HPSE2: variants seen among roughly 807,000 people sequenced by gnomAD.
The protein encoded by HPSE2 is heparanase 2 (inactive).
A neutral mutation model predicts 60.5 loss-of-function variants in HPSE2; 38 were observed. The observed-to-expected ratio is 0.63, with a 90% CI of 0.48 to 0.82. The LOEUF (loss-of-function observed/expected upper bound fraction) is 0.82, where lower values mean the gene tolerates loss of function less well. HPSE2 is among the 40% of genes least tolerant of loss of function. The pLI, the probability that HPSE2 is intolerant of heterozygous loss-of-function variation, is 0.00. For synonymous variants in HPSE2, 295 were observed against 293.2 expected (o/e 1.01, Z -0.06); for missense variants, 713 against 740.4 (o/e 0.96, Z 0.43).
chr10:98,535,915 C>A (rs1198136616), intron 9 of HPSE2, among the ~76,000 whole-genome samples: 1 of 152,112 alleles, frequency 6.6e-6, no homozygotes, highest in Admixed American at 6.5e-5. Context: ...GCCAAGGAAC[C>A]CTATCACTGG....
intron 3 of HPSE2, among the ~76,000 whole-genome samples, chr10:99,055,014 C>A (rs756742030): frequency 3.3e-5 from 5 of 152,034 alleles, no homozygotes; most frequent in Admixed American, 6.6e-5. Flanking sequence ...GCCCGGCCTA[C>A]TCTACAATAT....
chr10:98,649,080 T>C (rs914141967), intron 6 of HPSE2, among the ~76,000 whole-genome samples: 1 of 152,154 alleles, frequency 6.6e-6, no homozygotes, highest in East Asian at 1.9e-4. Flanking sequence ...ATAGGGTCTA[T>C]CTAAGTTGCC....
At position 98,938,180 on chromosome 10, in the gene HPSE2, A is replaced by G. The variant is rs1235509479; in HGVS notation, c.611-194124T>C. Among the ~76,000 whole-genome samples, 89 of 144,586 alleles carry G rather than the reference A, an allele frequency of 6.2e-4. 12 individuals are homozygous for G. The highest frequency in any genetic ancestry group is 9.0e-4 in the African/African-American group (32 of 35,664). The allele number at this position is 144,586 out of a possible 152,430, so 94.9% of individuals were successfully genotyped here. A position where few individuals can be genotyped will look rare whatever the true frequency, so the allele number is the denominator to read the frequency against. ...AACTGGAAATTCTAAAAAGCAGAGC[A>G]CCTCTCCTCCTCCAAAGGAACGCAG... On this transcript the variant is annotated intron_variant, in intron 3 of 11. Transcript: ENST00000370552.
In HPSE2 at chr10:99,032,227, T is replaced by C. The variant is rs143072877; in HGVS notation, c.610+112011A>G. Among the ~76,000 whole-genome samples the C allele has an allele frequency of 4.9e-3, 749 of 152,242 alleles. 6 individuals are homozygous for C. Among genetic ancestry groups the C allele is most frequent in the African/African-American group, 0.017 (689 of 41,536 alleles). On this transcript the variant is annotated intron_variant, in intron 3 of 11. Transcript: ENST00000370552. ...AGACACACATTTGCACATAGGGCAA[T>C]ATTTAGAAAATGTCTTCAATTGGCA...
intron 3 of HPSE2, among the ~76,000 whole-genome samples, chr10:99,102,229 C>T (rs1419034805): frequency 6.6e-6 from 1 of 151,782 alleles, no homozygotes; most frequent in Non-Finnish European, 1.5e-5. Context: ...ATTGATAGAC[C>T]ACTAGCAAGA....
At chr10:99,202,523 C>G (rs565949666) in intron 2 of HPSE2, among the ~76,000 whole-genome samples, 1 of 152,308 alleles carries the variant, frequency 6.6e-6, no homozygotes, top group East Asian at 1.9e-4. Flanking sequence ...TGCTGAACTT[C>G]AGTTTCCTCA....
intron 3 of HPSE2, among the ~76,000 whole-genome samples, chr10:98,959,358 G>GAAAAAAAA (rs540992148): frequency 1.3e-5 from 1 of 77,462 alleles, no homozygotes; most frequent in Non-Finnish European, 2.9e-5. Context: ...ACTATCTCTG[G>GAAAAAAAA]AAAAAAAAAA....
At chr10:99,030,489 A>G (rs1272358971) in intron 3 of HPSE2, among the ~76,000 whole-genome samples, 2 of 152,254 alleles carry the variant, frequency 1.3e-5, no homozygotes, top group African/African-American at 2.4e-5. Flanking sequence ...ATAAGGCAAT[A>G]ACACATGCTG....
At chr10:99,120,926 C>G (rs1171687751) in intron 3 of HPSE2, among the ~76,000 whole-genome samples, 1 of 152,156 alleles carries the variant, frequency 6.6e-6, no homozygotes, top group East Asian at 1.9e-4. Flanking sequence ...AAAAACAGAA[C>G]TACCATTCAA....
chr10:98,633,374 T>C (rs371557168), intron 7 of HPSE2, among the ~76,000 whole-genome samples: 28 of 152,036 alleles, frequency 1.8e-4, no homozygotes, highest in African/African-American at 6.8e-4. Context: ...TAATGTTTGT[T>C]TTCTTTTTTT....
intron 3 of HPSE2, among the ~76,000 whole-genome samples, chr10:98,975,480 T>G (rs1052739298): frequency 6.6e-6 from 1 of 152,094 alleles, no homozygotes; most frequent in Non-Finnish European, 1.5e-5. Flanking sequence ...CTGGTATTGT[T>G]TGGGTGACTG....
the HPSE2 span, among the ~76,000 whole-genome samples, chr10:99,273,842 C>G: frequency 2.6e-5 from 4 of 152,270 alleles, no homozygotes; most frequent in African/African-American, 9.6e-5. Context: ...AGGGATTGCC[C>G]TTTAACCATG....
chr10:98,761,256 T>C (rs1949998193), intron 3 of HPSE2, among the ~76,000 whole-genome samples: 1 of 152,146 alleles, frequency 6.6e-6, no homozygotes. Context: ...ATAAATGAAA[T>C]AGACATTAGA....
At chr10:99,072,162 C>T (rs1842812363) in intron 3 of HPSE2, among the ~76,000 whole-genome samples, 1 of 151,938 alleles carries the variant, frequency 6.6e-6, no homozygotes, top group African/African-American at 2.4e-5. Context: ...GTAGAGACTG[C>T]ATTGGGTAGT....
At chr10:99,029,789 A>T (rs1957458489) in intron 3 of HPSE2, among the ~76,000 whole-genome samples, 1 of 152,226 alleles carries the variant, frequency 6.6e-6, no homozygotes, top group Non-Finnish European at 1.5e-5. Context: ...AGGCCTCCGG[A>T]TAACTGCGGG....
chr10:99,220,853 ACT>A (rs1491270809), intron 2 of HPSE2, among the ~76,000 whole-genome samples: 1 of 87,430 alleles, frequency 1.1e-5, no homozygotes, highest in Non-Finnish European at 2.1e-5. Context: ...GGAGGCTTTC[ACT>A]TTTTTTTTTT....
chr10:98,835,650 T>C (rs538465444), intron 3 of HPSE2, among the ~76,000 whole-genome samples: 1 of 152,326 alleles, frequency 6.6e-6, no homozygotes, highest in African/African-American at 2.4e-5. Context: ...CACTTAATCC[T>C]GCCAAGTACA....
At chr10:98,482,453 T>C (rs529645291) in intron 11 of HPSE2, among the ~76,000 whole-genome samples, 183 bp downstream of exon 11, 2 of 152,320 alleles carry the variant, frequency 1.3e-5, no homozygotes, top group African/African-American at 4.8e-5. Context: ...GAATCTAAGA[T>C]AGGGAGGGGC....
intron 6 of HPSE2, among the ~76,000 whole-genome samples, chr10:98,648,563 T>G (rs1217569910): frequency 6.6e-6 from 1 of 152,036 alleles, no homozygotes; most frequent in Non-Finnish European, 1.5e-5. Context: ...AAGGATCTCC[T>G]GAGGCCAAGA....
Sources: allele counts gnomAD v4.1 joint callset (sites outside exome capture counted in the v4.1 genomes callset), GRCh38; gene constraint gnomAD v4.1.1; transcripts MANE v1.5; gene names NCBI Gene and HGNC (gene_info 2026-07-23, HGNC 2026-07-21).